KATNAL1: variants seen among roughly 807,000 people sequenced by gnomAD.
KATNAL1 encodes the protein katanin catalytic subunit A1 like 1.
A neutral mutation model predicts 55.2 loss-of-function variants in KATNAL1; 32 were observed. The ratio of observed to expected loss-of-function variants is 0.58; its 90% CI spans 0.44 to 0.78. KATNAL1 has a LOEUF of 0.78. Among genes scored for constraint, KATNAL1 ranks in the 30% least tolerant of loss-of-function variants. The pLI, the probability that KATNAL1 is intolerant of heterozygous loss-of-function variation, is 0.00. For missense variants in KATNAL1, 466 were observed against 600.9 expected (o/e 0.78, Z 2.35); for synonymous variants, 193 against 193.6 (o/e 1.00, Z 0.02).
chr13:30,259,717 G>A (rs1464319477), intron 3 of KATNAL1, among the ~76,000 whole-genome samples: 1 of 152,200 alleles, frequency 6.6e-6, no homozygotes, highest in Non-Finnish European at 1.5e-5. Context: ...GGCTCGGAGG[G>A]TCCTATGCCC....
Position 30,210,297 on chromosome 13 carries a change from C to A in KATNAL1, c.1274+19G>T, listed in dbSNP as rs745314131. 1 of 1,577,574 alleles carries A rather than the reference C, an allele frequency of 6.3e-7. No individual in the cohort carries two copies. The highest frequency in any genetic ancestry group is 1.2e-5 in the South Asian group (1 of 84,622). On this transcript the variant is annotated intron_variant, in intron 10 of 10. Coordinates refer to ENST00000380615, the MANE Select transcript of KATNAL1 (RefSeq NM_032116.5). ...AGTCTATAACTAATGTCTAAAATCACAGATCATTAAAAAAATACCTGCAAA... is the reference window on the plus strand; with the variant it reads ...AGTCTATAACTAATGTCTAAAATCAAAGATCATTAAAAAAATACCTGCAAA...
chr13:30,305,562 T>C (rs1401922797), intron 1 of KATNAL1, among the ~76,000 whole-genome samples: 2 of 152,248 alleles, frequency 1.3e-5, no homozygotes, highest in East Asian at 1.9e-4. Flanking sequence ...TTACCAGCTA[T>C]GATTTTGAGC....
chr13:30,274,136 T>G (rs931726247), intron 3 of KATNAL1, among the ~76,000 whole-genome samples: 7 of 152,202 alleles, frequency 4.6e-5, no homozygotes, highest in African/African-American at 1.7e-4. Context: ...GAAAGGAACT[T>G]GCAGGATCAC....
chr13:30,263,957 A>G lies in KATNAL1; in HGVS notation c.324-8342T>C, dbSNP rs1384551080. On this transcript the variant is annotated intron_variant, in intron 3 of 10. Transcript: ENST00000380615. ...AAAAGAACAAAGCTGGAGGCATCAC[A>G]CTACCTGACTTCAAACTATACTACA... Among the ~76,000 whole-genome samples the G allele has an allele frequency of 3.0e-3, 453 of 149,910 alleles. 1 individual carries two copies. The highest frequency in any genetic ancestry group is 0.01 in the African/African-American group (423 of 40,748).
intron 9 of KATNAL1, among the ~76,000 whole-genome samples, chr13:30,226,635 C>T (rs1276129524): frequency 6.6e-6 from 1 of 152,162 alleles, no homozygotes; most frequent in Non-Finnish European, 1.5e-5. Flanking sequence ...TGCCCTACAT[C>T]TTGATTAGGG....
intron 9 of KATNAL1, among the ~76,000 whole-genome samples, chr13:30,223,469 T>C (rs1033671270): frequency 8.7e-6 from 1 of 115,322 alleles, no homozygotes; most frequent in African/African-American, 3.3e-5. Flanking sequence ...AAAAAAAAAC[T>C]GCACCGTAAA....
At chr13:30,268,048 G>C (rs962520999) in intron 3 of KATNAL1, among the ~76,000 whole-genome samples, 7 of 152,208 alleles carry the variant, frequency 4.6e-5, no homozygotes, top group Non-Finnish European at 2.9e-5. Context: ...CATTTGTGGA[G>C]TGAAGCGAAA....
At chr13:30,218,205 A>AATATATATATATAT (rs34056263) in intron 9 of KATNAL1, among the ~76,000 whole-genome samples, 1 of 139,508 alleles carries the variant, frequency 7.2e-6, no homozygotes, top group African/African-American at 2.7e-5. Flanking sequence ...CAGTAAAAGG[A>AATATATATATATAT]ATATATATAT....
chr13:30,203,965 G>A lies in KATNAL1; in HGVS notation c.*4575C>T, dbSNP rs1419025845. The A allele has an allele frequency of 6.6e-6, 1 of 152,080 alleles. No individual in the cohort carries two copies. Among genetic ancestry groups the A allele is most frequent in the Admixed American group, 6.5e-5 (1 of 15,274 alleles). The allele number at this position is 152,080 out of a possible 1,614,324, so 9.4% of individuals were successfully genotyped here. ...TACAATAATTACAACAGAGTTTTTA[G>A]CTTTTTCTGTAAAAATAGTTAGTGG... On this transcript the variant is annotated 3_prime_UTR_variant, in exon 11 of 11. Coordinates refer to ENST00000380615, the MANE Select transcript of KATNAL1 (RefSeq NM_032116.5).
intron 3 of KATNAL1, among the ~76,000 whole-genome samples, chr13:30,260,316 C>T (rs1202802230): frequency 6.6e-6 from 1 of 152,190 alleles, no homozygotes; most frequent in Admixed American, 6.5e-5. Context: ...AGCAGAGTGC[C>T]TCTCCTCCTC....
rs533184006 is a variant in KATNAL1 at position 30,226,164 on chromosome 13, T to C, written c.1147+1248A>G. Among the ~76,000 whole-genome samples the C allele has an allele frequency of 9.8e-5, 15 of 152,324 alleles. No homozygotes were observed. The East Asian group carries it at 2.9e-3, about 29-fold the overall frequency. On this transcript the variant is annotated intron_variant, in intron 9 of 10. Transcript: ENST00000380615. ...GGATATGGAAGTATTTGAATTCTCA[T>C]TTATTGATGATGGAATACAAAATGG...
chr13:30,279,469 G>C (rs1881108714), intron 3 of KATNAL1, among the ~76,000 whole-genome samples: 1 of 152,096 alleles, frequency 6.6e-6, no homozygotes, highest in South Asian at 2.1e-4. Context: ...TGGGGATTAT[G>C]GGTATTCCTT....
At chr13:30,233,343 G>C (rs1439816124) in intron 6 of KATNAL1, among the ~76,000 whole-genome samples, 1 of 152,008 alleles carries the variant, frequency 6.6e-6, no homozygotes, top group Non-Finnish European at 1.5e-5. Flanking sequence ...ATGTCCAATA[G>C]ATACATGAAA....
chr13:30,204,748 T>C lies in KATNAL1; in HGVS notation c.*3792A>G, dbSNP rs1389978631. On this transcript the variant is annotated 3_prime_UTR_variant, in exon 11 of 11. Transcript: ENST00000380615. ...GAGTAATTCGTGCTTTCAGCCTATGTTTTGAGAGTGAAATATGACATCACA... is the reference window on the plus strand; with the variant it reads ...GAGTAATTCGTGCTTTCAGCCTATGCTTTGAGAGTGAAATATGACATCACA... The C allele has an allele frequency of 5.3e-5, 8 of 152,212 alleles. No individual in the cohort carries two copies. Among genetic ancestry groups the C allele is most frequent in the Non-Finnish European group, 8.8e-5 (6 of 68,040 alleles). 9.4% of individuals were successfully genotyped at this position (152,212 alleles called of 1,614,324 possible).
At chr13:30,269,427 C>T (rs888349235) in intron 3 of KATNAL1, among the ~76,000 whole-genome samples, 1 of 152,226 alleles carries the variant, frequency 6.6e-6, no homozygotes, top group African/African-American at 2.4e-5. Flanking sequence ...GATCTCGGCT[C>T]GCTACAACCT....
chr13:30,257,395 T>C lies in KATNAL1; in HGVS notation c.324-1780A>G, dbSNP rs564140544. On this transcript the variant is annotated intron_variant, in intron 3 of 10. Coordinates refer to ENST00000380615, the MANE Select transcript of KATNAL1 (RefSeq NM_032116.5). The stretch of plus-strand genomic sequence containing the variant: ...CCTGCTATTTAAATAGTCTGTTTTC[T>C]TTGTGGTCCTGCTTTTTAGACTCAA... 6.6e-5 allele frequency among the ~76,000 whole-genome samples: 10 copies of C among 152,334 alleles called. No homozygotes were observed. In the South Asian group the frequency reaches 2.1e-3, roughly 32 times the overall value.
At chr13:30,295,861 T>C (rs1213146507) in intron 1 of KATNAL1, among the ~76,000 whole-genome samples, 1 of 152,168 alleles carries the variant, frequency 6.6e-6, no homozygotes, top group Admixed American at 6.5e-5. Flanking sequence ...GGAGAAATTT[T>C]TCACAAAAGG....
intron 6 of KATNAL1, among the ~76,000 whole-genome samples, chr13:30,237,731 A>T (rs1339306598): frequency 6.6e-6 from 1 of 152,156 alleles, no homozygotes. Context: ...TTTAAAACTC[A>T]AAAATAATTC....
At position 30,207,424 on chromosome 13, in the gene KATNAL1, T is replaced by G. The variant is rs1257979316; in HGVS notation, c.*1116A>C. 1.3e-5 allele frequency: 2 copies of G among 152,260 alleles called. No homozygotes were observed. The highest frequency in any genetic ancestry group is 2.9e-5 in the Non-Finnish European group (2 of 68,040). 9.4% of individuals were successfully genotyped at this position (152,260 alleles called of 1,614,324 possible). On this transcript the variant is annotated 3_prime_UTR_variant, in exon 11 of 11. Transcript: ENST00000380615. ...TCATTCACTATGTATGATGCTGTTT[T>G]GTTAAACTAGCTGTTTGGAAAACAA...
Sources: gnomAD v4.1 joint callset for allele counts (sites outside exome capture counted in the v4.1 genomes callset) on GRCh38, gnomAD v4.1.1 for gene constraint, MANE v1.5 for transcripts, NCBI Gene and HGNC (gene_info 2026-07-23, HGNC 2026-07-21) for gene names.